USP16: variants seen among roughly 807,000 people sequenced by gnomAD.
USP16 encodes ubiquitin carboxyl-terminal hydrolase 16.
In USP16, 77 loss-of-function variants were observed where a neutral mutation model predicts 95.9. That is an observed-to-expected ratio of 0.80 (90% CI 0.67 to 0.97). The LOEUF is 0.97. Ranked by LOEUF, USP16 falls within the 50% of genes least tolerant of loss-of-function variation. The pLI is 0.00. For synonymous variants in USP16, 303 were observed against 318.2 expected (o/e 0.95, Z 0.51); for missense variants, 943 against 959.9 (o/e 0.98, Z 0.23).
chr21:29,024,798 C>G (rs1173150725), intron 1 of USP16, 21 bp downstream of exon 1: 2 of 1,263,526 alleles, frequency 1.6e-6, no homozygotes, highest in African/African-American at 1.5e-5. Context: ...GTCCCACTGC[C>G]TGGCAGTCGT....
At chr21:29,048,094 TG>T in intron 14 of USP16, among the ~76,000 whole-genome samples, 3 of 146,986 alleles carry the variant, frequency 2.0e-5, no homozygotes, top group South Asian at 2.2e-4. Context: ...TGTGTGTGTG[TG>T]TGTTTTGAGA....
intron 12 of USP16, 113 bp downstream of exon 12, chr21:29,042,641 T>C (rs930839826): frequency 1.1e-6 from 1 of 907,070 alleles, no homozygotes. Flanking sequence ...ATGCAGAAAT[T>C]TTTCTTAATT....
intron 6 of USP16, among the ~76,000 whole-genome samples, chr21:29,037,865 C>T (rs2085185375): frequency 8.6e-6 from 1 of 116,900 alleles, no homozygotes; most frequent in South Asian, 3.6e-4. Flanking sequence ...GGATTACAGG[C>T]GTGAGCCACC....
At chr21:29,049,623 G>A (rs772340250) in intron 15 of USP16, among the ~76,000 whole-genome samples, 7 of 152,122 alleles carry the variant, frequency 4.6e-5, no homozygotes, top group Non-Finnish European at 1.0e-4. Flanking sequence ...GCAATGACAC[G>A]ATCATGGCTC....
chr21:29,050,085 C>A lies in USP16; in HGVS notation c.2107-7C>A, dbSNP rs189358054. ...AAAGAAGTCAATCTGTTATGCTTCT[C>A]TTTTAGGCTGGTTTTAACCTACGCA... On this transcript the variant is annotated splice_polypyrimidine_tract_variant and splice_region_variant and intron_variant, in intron 15 of 17. Transcript: ENST00000399976. The A allele has an allele frequency of 1.2e-6, 2 of 1,610,174 alleles. No homozygotes were observed. Among genetic ancestry groups the A allele is most frequent in the African/African-American group, 2.7e-5 (2 of 74,872 alleles).
chr21:29,035,725 G>T (rs1306146738), intron 4 of USP16, among the ~76,000 whole-genome samples: 1 of 151,758 alleles, frequency 6.6e-6, no homozygotes, highest in Non-Finnish European at 1.5e-5. Context: ...CTTTTGTCTG[G>T]CTAACACGTT....
At chr21:29,043,713 A>C in intron 13 of USP16, 114 bp downstream of exon 13, 2 of 978,006 alleles carry the variant, frequency 2.0e-6, no homozygotes, top group Non-Finnish European at 2.8e-6. Flanking sequence ...CAGCACTTTC[A>C]TTTGACAATT....
At chr21:29,034,302 CTT>C (rs575549987) in intron 3 of USP16, among the ~76,000 whole-genome samples, 37 of 136,284 alleles carry the variant, frequency 2.7e-4, no homozygotes, top group African/African-American at 3.0e-4. Flanking sequence ...GCATGGTTTT[CTT>C]TTTTTTTTTT....
intron 3 of USP16, among the ~76,000 whole-genome samples, chr21:29,033,383 C>A (rs1340460569): frequency 1.3e-5 from 2 of 152,188 alleles, no homozygotes; most frequent in Non-Finnish European, 2.9e-5. Flanking sequence ...TGTTTGGGAT[C>A]ATAGTTAAGG....
Position 29,026,953 on chromosome 21 carries a change from G to C in USP16, c.-41-920G>C, listed in dbSNP as rs569149010. 5.3e-5 allele frequency among the ~76,000 whole-genome samples: 8 copies of C among 152,242 alleles called. No homozygotes were observed. The South Asian group carries it at 1.7e-3, about 32-fold the overall frequency. On this transcript the variant is annotated intron_variant, in intron 1 of 17. Transcript: ENST00000399976. ...ATGAGTGCAAAGTTTAGGGAGTGTG[G>C]TCCAGGAAACTGTTAAATGCTTCCG... is the stretch of plus-strand genomic sequence containing the variant.
chr21:29,046,736 C>G lies in USP16; in HGVS notation c.1426C>G (p.Pro476Ala). ...AAATGATATTTGTACTATTGACCAT[C>G]CTGAAGACAGTGAATATGAAGCTGA... ...HLNDICTIDH[P>A]EDSEYEAEMS... is the part of the protein sequence containing the mutation. Residue 476 changes from proline to alanine, a missense_variant, in exon 14 of 18, where the codon CCT becomes GCT. By Grantham distance (27) the Pro-to-Ala change is conservative. Transcript: ENST00000399976. The G allele has an allele frequency of 6.2e-7, 1 of 1,613,880 alleles. No homozygotes were observed.
intron 5 of USP16, among the ~76,000 whole-genome samples, 170 bp downstream of exon 5, chr21:29,036,544 G>A (rs2085159385): frequency 6.6e-6 from 1 of 152,222 alleles, no homozygotes; most frequent in Admixed American, 6.5e-5. Context: ...GAAGGGATAT[G>A]AGAAATGATC....
chr21:29,043,332 A>T, intron 12 of USP16, 91 bp from the exon 13 acceptor site: 1 of 947,202 alleles, frequency 1.1e-6, no homozygotes, highest in Middle Eastern at 3.8e-4. Context: ...TACATAATAG[A>T]AGTAGAAAAA....
intron 2 of USP16, 89 bp downstream of exon 2, chr21:29,028,063 G>T: frequency 2.2e-6 from 2 of 916,178 alleles, no homozygotes; most frequent in South Asian, 1.6e-5. Flanking sequence ...GCATATTATT[G>T]TTATATTATC....
chr21:29,039,431 A>G (rs1429361779), intron 8 of USP16, 50 bp from the exon 9 acceptor site: 1 of 1,568,854 alleles, frequency 6.4e-7, no homozygotes. Flanking sequence ...AAATAGCTTC[A>G]GAGCTTAGTA....
intron 13 of USP16, among the ~76,000 whole-genome samples, chr21:29,045,281 G>A (rs182461985): frequency 1.3e-5 from 2 of 152,160 alleles, no homozygotes; most frequent in Admixed American, 1.3e-4. Flanking sequence ...AGCCTCACAG[G>A]GGCTGTTCTT....
At chr21:29,029,418 GA>G (rs1274556377) in intron 2 of USP16, among the ~76,000 whole-genome samples, 1 of 151,032 alleles carries the variant, frequency 6.6e-6, no homozygotes, top group Non-Finnish European at 1.5e-5. Flanking sequence ...GTCTCAAAAA[GA>G]AAAAAGAAAA....
chr21:29,038,505 G>T, intron 7 of USP16, 75 bp downstream of exon 7: 1 of 1,090,892 alleles, frequency 9.2e-7, no homozygotes, highest in South Asian at 1.4e-5. Context: ...TTAAATAACT[G>T]ACACTCATTT....
At chr21:29,051,108 G>T (rs1205767239) in intron 16 of USP16, among the ~76,000 whole-genome samples, 1 of 152,166 alleles carries the variant, frequency 6.6e-6, no homozygotes, top group Admixed American at 6.5e-5. Flanking sequence ...GGATGCTGAG[G>T]GTGGCAGAGA....
Sources: gnomAD v4.1 joint callset for allele counts (sites outside exome capture counted in the v4.1 genomes callset) on GRCh38, gnomAD v4.1.1 for gene constraint, MANE v1.5 for transcripts, NCBI Gene and HGNC (gene_info 2026-07-23, HGNC 2026-07-21) for gene names.